MELTF: variants seen among roughly 807,000 people sequenced by gnomAD.
The protein encoded by MELTF is melanotransferrin, also known as antigen p97 (melanoma associated) identified by monoclonal antibodies 133.2 and 96.5.
In MELTF, 67 loss-of-function variants were observed where a neutral mutation model predicts 83.7. That is an observed-to-expected ratio of 0.80 (90% CI 0.66 to 0.98). The LOEUF (loss-of-function observed/expected upper bound fraction) is 0.98, where lower values mean the gene tolerates loss of function less well. MELTF is among the 50% of genes least tolerant of loss of function. The pLI is 0.00. For synonymous variants in MELTF, 462 were observed against 447.6 expected, an observed-to-expected ratio of 1.03 and a Z score of -0.41; for missense variants, 1,002 against 1,035.6, an observed-to-expected ratio of 0.97 and a Z score of 0.44.
At position 197,003,455 on chromosome 3, in the gene MELTF, G is replaced by C. The variant is rs1014895318; in HGVS notation, c.2138-4C>G. On this transcript the variant is annotated splice_region_variant and splice_polypyrimidine_tract_variant and intron_variant, in intron 15 of 15. Coordinates refer to ENST00000296350, the MANE Select transcript of MELTF (RefSeq NM_005929.6). The surrounding 1 kb of genome is among the most constrained non-coding windows in gnomAD (Gnocchi z 6.2). ...GGCGCCCCGGGCGCCGGGGCCGCTG[G>C]GGACGAACGCGGCGGGTCAGGCCCC... The C allele has an allele frequency of 3.7e-6, 4 of 1,082,480 alleles. No individual in the cohort carries two copies. Among genetic ancestry groups the C allele is most frequent in the Non-Finnish European group, 4.5e-6 (4 of 896,918 alleles). 67.1% of individuals were successfully genotyped at this position (1,082,480 alleles called of 1,614,324 possible).
chr3:197,021,120 G>T (rs1210019940), intron 6 of MELTF, among the ~76,000 whole-genome samples: 1 of 152,248 alleles, frequency 6.6e-6, no homozygotes, highest in African/African-American at 2.4e-5. Flanking sequence ...GGTGGAACCA[G>T]AACCCAATGC....
chr3:197,016,860 A>G (rs1719396653), intron 7 of MELTF, among the ~76,000 whole-genome samples: 1 of 152,228 alleles, frequency 6.6e-6, no homozygotes, highest in Non-Finnish European at 1.5e-5. Flanking sequence ...CACAAGTCTC[A>G]GGAGCTTCTT....
Position 197,003,739 on chromosome 3 carries a change from G to C in MELTF, c.2137+162C>G. The C allele has an allele frequency of 2.4e-4, 145 of 611,140 alleles. No individual in the cohort carries two copies. Among genetic ancestry groups the C allele is most frequent in the East Asian group, 6.5e-4 (17 of 26,228 alleles). 37.9% of individuals were successfully genotyped at this position (611,140 alleles called of 1,614,324 possible). ...CGCCGGGCTCCCGCCCTCCCGGCCC[G>C]CAGCCTCCTGGCCAAAATCCTCCCG... is the stretch of plus-strand genomic sequence containing the variant. On this transcript the variant is annotated intron_variant, in intron 15 of 15. Transcript: ENST00000296350. This position sits in a 1 kb window ranked among gnomAD's most constrained non-coding sequence, Gnocchi z 6.2.
intron 8 of MELTF, 136 bp downstream of exon 8, chr3:197,016,053 A>G: frequency 2.8e-6 from 2 of 714,950 alleles, no homozygotes; most frequent in South Asian, 2.5e-5. Context: ...CCCCAGGGGC[A>G]GAGGAATGGA....
chr3:197,027,812 G>C lies in MELTF; in HGVS notation c.148C>G (p.Pro50Ala), dbSNP rs1421318493. 1 of 1,611,110 alleles carries C rather than the reference G, an allele frequency of 6.2e-7. No individual in the cohort carries two copies. Among genetic ancestry groups the C allele is most frequent in the Non-Finnish European group, 8.5e-7 (1 of 1,179,242 alleles). Residue 50 changes from proline to alanine, a missense_variant, in exon 2 of 16, where the codon CCC becomes GCC. Coordinates refer to ENST00000296350, the MANE Select transcript of MELTF (RefSeq NM_005929.6). Reference protein sequence around the residue: ...SEAFREAGIQPSLLCVRGTSA... With the variant: ...SEAFREAGIQASLLCVRGTSA... Reference sequence around the variant, plus strand: ...GTGCCCCGGACGCAGAGGAGGGAGGGCTGGATGCCCGCTTCCCGGAAGGCC... The same window carrying C: ...GTGCCCCGGACGCAGAGGAGGGAGGCCTGGATGCCCGCTTCCCGGAAGGCC...
In MELTF at chr3:197,007,694, G is replaced by C. The variant is rs1371321452; in HGVS notation, c.1751-958C>G. 2.6e-5 allele frequency among the ~76,000 whole-genome samples: 4 copies of C among 152,234 alleles called. No homozygotes were observed. The highest frequency in any genetic ancestry group is 5.9e-5 in the Non-Finnish European group (4 of 68,030). Reference sequence around the variant, plus strand: ...GGGCTGTGGCAACAGGAAGGGTTCAGGGCCTGGAGCCCTCCCTAGCTCTGC... The same window carrying C: ...GGGCTGTGGCAACAGGAAGGGTTCACGGCCTGGAGCCCTCCCTAGCTCTGC... On this transcript the variant is annotated intron_variant, in intron 13 of 15. Coordinates refer to ENST00000296350, the MANE Select transcript of MELTF (RefSeq NM_005929.6). The surrounding 1 kb of genome is among the most constrained non-coding windows in gnomAD (Gnocchi z 4.3).
At chr3:197,016,104 C>G in intron 8 of MELTF, 85 bp downstream of exon 8, 9 of 1,257,924 alleles carry the variant, frequency 7.2e-6, no homozygotes, top group Non-Finnish European at 9.6e-6. Context: ...TGAGCGTCTT[C>G]CCCCGGCCAC....
chr3:197,028,546 T>A (rs1269188419), intron 1 of MELTF: 1 of 152,976 alleles, frequency 6.5e-6, no homozygotes, highest in East Asian at 1.9e-4. Flanking sequence ...CTTCATCTTC[T>A]GAGAGAGCAG....
intron 3 of MELTF, chr3:197,026,266 C>T: frequency 5.0e-6 from 1 of 201,914 alleles, no homozygotes; most frequent in Non-Finnish European, 1.0e-5. Flanking sequence ...GACAGCACCT[C>T]CCTACCCGGA....
rs771075527 is a variant in MELTF at position 197,027,734 on chromosome 3, G to T, written c.204+22C>A. On this transcript the variant is annotated intron_variant, in intron 2 of 15. Transcript: ENST00000296350. ...TGAGTCACAGCCCTCTTGTCTGGCA[G>T]GGTGGAAGGGAGAGGACTCACCGCG... 6 of 1,590,890 alleles carry T rather than the reference G, an allele frequency of 3.8e-6. No homozygotes were observed. The African/African-American group carries it at 8.1e-5, about 21-fold the overall frequency.
rs1292448889 is a variant in MELTF at position 197,022,989 on chromosome 3, CA to C, written c.611del (p.Leu204ArgfsTer24). 1 of 1,613,294 alleles carries C rather than the reference CA, an allele frequency of 6.2e-7. No homozygotes were observed. The highest frequency in any genetic ancestry group is 8.5e-7 in the Non-Finnish European group (1 of 1,179,940). ...SGEGVCDKSP[L>X]ERYYDYSGAF... is the part of the protein sequence containing the mutation. ...CCCCGCTGTAGTCGTAGTATCTCTC[CA>C]GGGGGCTCTTGTCACACACCCCTTC... On this transcript the variant is annotated frameshift_variant, in exon 5 of 16. Coordinates refer to ENST00000296350, the MANE Select transcript of MELTF (RefSeq NM_005929.6). LOFTEE classifies it high-confidence loss of function. The surrounding 1 kb of genome is among the most constrained non-coding windows in gnomAD (Gnocchi z 5.1).
intron 9 of MELTF, among the ~76,000 whole-genome samples, chr3:197,013,078 C>A (rs1184734487): frequency 6.6e-6 from 1 of 152,164 alleles, no homozygotes; most frequent in African/African-American, 2.4e-5. Context: ...TTAGAAAGAA[C>A]AATCCTAAAC....
At chr3:197,023,812 G>A (rs1719728991) in intron 4 of MELTF, 4 of 455,684 alleles carry the variant, frequency 8.8e-6, no homozygotes, top group Admixed American at 4.7e-5. Flanking sequence ...CACCAGCTGA[G>A]AGGGTGAGGC....
rs962027035 is a variant in MELTF, at chr3:197,029,712, G to C, written c.-10C>G. Reference sequence around the variant, plus strand: ...CGCTCGGACCCCGCATGGCGCCGTCGGGGCTGGCTGGGGCCGGGCTGGGGC... The same window carrying C: ...CGCTCGGACCCCGCATGGCGCCGTCCGGGCTGGCTGGGGCCGGGCTGGGGC... On this transcript the variant is annotated 5_prime_UTR_variant, in exon 1 of 16. Coordinates refer to ENST00000296350, the MANE Select transcript of MELTF (RefSeq NM_005929.6). The surrounding 1 kb of genome is among the most constrained non-coding windows in gnomAD (Gnocchi z 6.5). 2 of 1,235,358 alleles carry C rather than the reference G, an allele frequency of 1.6e-6. No homozygotes were observed. The highest frequency in any genetic ancestry group is 3.1e-5 in the African/African-American group (2 of 64,534). The allele number at this position is 1,235,358 out of a possible 1,614,324, so 76.5% of individuals were successfully genotyped here. A position where few individuals can be genotyped will look rare whatever the true frequency, so the allele number is the denominator to read the frequency against.
chr3:197,004,933 C>T (rs73208225), intron 14 of MELTF, among the ~76,000 whole-genome samples: 3,634 of 152,142 alleles, frequency 0.024, 67 homozygotes, highest in Non-Finnish European at 0.034. Flanking sequence ...TAGCAACCCC[C>T]TAGGGAAGCC....
intron 6 of MELTF, 40 bp from the exon 7 acceptor site, chr3:197,017,330 G>C: frequency 6.8e-7 from 1 of 1,471,296 alleles, no homozygotes; most frequent in Non-Finnish European, 9.0e-7. Context: ...GCTCCGAAAG[G>C]GGTTGGGGCG....
chr3:197,012,335 T>G (rs1719216486), intron 9 of MELTF, among the ~76,000 whole-genome samples: 1 of 152,206 alleles, frequency 6.6e-6, no homozygotes, highest in Admixed American at 6.5e-5. Context: ...GACCCAGAAG[T>G]GGGGCTGATG....
chr3:197,017,419 T>A, intron 6 of MELTF, 129 bp from the exon 7 acceptor site: 1 of 829,068 alleles, frequency 1.2e-6, no homozygotes. Flanking sequence ...ATTCAGAAGG[T>A]GGCAGAGCTT....
chr3:197,009,710 G>A lies in MELTF; in HGVS notation c.1433C>T (p.Ala478Val). The A allele has an allele frequency of 6.2e-7, 1 of 1,613,734 alleles. No homozygotes were observed. The highest frequency in any genetic ancestry group is 1.6e-4 in the Middle Eastern group (1 of 6,062). The change falls in exon 11 of 16, where the codon GCC becomes GTC. Residue 478 changes from alanine to valine, a missense_variant. Transcript: ENST00000296350. ...DELRGKRSCH[A>V]GFGSPAGWDV... Reference sequence around the variant, plus strand: ...CCAGCCTGCAGGGCTGCCGAAACCGGCGTGGCAGGAGCGCTTGCCCCGAAG... The same window carrying A: ...CCAGCCTGCAGGGCTGCCGAAACCGACGTGGCAGGAGCGCTTGCCCCGAAG...
Sources: gnomAD v4.1 joint callset for allele counts (sites outside exome capture counted in the v4.1 genomes callset) on GRCh38, gnomAD v4.1.1 for gene constraint, Gnocchi (gnomAD v3.1) non-coding constraint, MANE v1.5 for transcripts, NCBI Gene and HGNC (gene_info 2026-07-23, HGNC 2026-07-21) for gene names.